The following TANC2 variants were observed in gnomAD, a reference collection of about 807,000 sequenced individuals.
TANC2 encodes protein TANC2.
TANC2 carries 26 observed loss-of-function variants against 210.5 expected under a neutral mutation model. That is an observed-to-expected ratio of 0.12 (90% CI 0.09 to 0.17). The LOEUF (loss-of-function observed/expected upper bound fraction) is 0.17. TANC2 is among the 10% of genes least tolerant of loss of function. The probability of loss-of-function intolerance (pLI) is 1.00; values close to 1 mark genes in which losing one functional copy is unlikely to be tolerated. For synonymous variants in TANC2, 931 were observed against 967.1 expected, an observed-to-expected ratio of 0.96 and a Z score of 0.69; for missense variants, 2,129 against 2,608.9, an observed-to-expected ratio of 0.82 and a Z score of 4.01.
At chr17:63,073,477 T>C (rs970624403) in intron 2 of TANC2, among the ~76,000 whole-genome samples, 1 of 152,184 alleles carries the variant, frequency 6.6e-6, no homozygotes, top group African/African-American at 2.4e-5. Flanking sequence ...TTGATTTATT[T>C]TATAGGTTTA....
intron 17 of TANC2, 34 bp downstream of exon 17, chr17:63,389,578 C>T (rs758343150): frequency 9.0e-6 from 14 of 1,556,250 alleles, no homozygotes; most frequent in African/African-American, 1.4e-5. Flanking sequence ...CTTTTCTTCC[C>T]TTTTTCTTTA....
exon 19 of TANC2, chr17:63,398,898 T>A: frequency 6.3e-7 from 1 of 1,594,394 alleles, no homozygotes; most frequent in Non-Finnish European, 8.5e-7. Flanking sequence ...GCTTTGACAG[T>A]CTCTGGGGAG....
At chr17:63,078,992 C>T (rs1441262446) in intron 3 of TANC2, among the ~76,000 whole-genome samples, 1 of 152,188 alleles carries the variant, frequency 6.6e-6, no homozygotes, top group Non-Finnish European at 1.5e-5. Flanking sequence ...AAATCTCAGG[C>T]TATAACTGTG....
At chr17:63,063,531 CGTGTG>C (rs2036072443) in intron 2 of TANC2, among the ~76,000 whole-genome samples, 1 of 108,148 alleles carries the variant, frequency 9.2e-6, no homozygotes, top group East Asian at 2.3e-4. Context: ...GGGACAAAGA[CGTGTG>C]TGTGTGTGTG....
At chr17:63,069,458 A>G (rs894207230) in intron 2 of TANC2, among the ~76,000 whole-genome samples, 29 of 152,178 alleles carry the variant, frequency 1.9e-4, no homozygotes, top group Non-Finnish European at 2.8e-4. Context: ...GTGCTGTCAC[A>G]TGTGTTAGCT....
In TANC2 at chr17:63,406,151, C is replaced by A; in HGVS notation, c.3466-3C>A. On this transcript the variant is annotated splice_region_variant and splice_polypyrimidine_tract_variant and intron_variant, in intron 20 of 27. Transcript: ENST00000689528. ...ATTGGTCCCTGTTTCTCTGCACTTG[C>A]AGATTGTTGATCTTTTACTCACCCA... 6.2e-7 allele frequency: 1 copy of A among 1,613,696 alleles called. No homozygotes were observed. Among genetic ancestry groups the A allele is most frequent in the Non-Finnish European group, 8.5e-7 (1 of 1,179,706 alleles).
intron 8 of TANC2, among the ~76,000 whole-genome samples, chr17:63,245,366 C>A (rs879919025): frequency 3.3e-5 from 5 of 152,048 alleles, no homozygotes; most frequent in Non-Finnish European, 7.4e-5. Flanking sequence ...AAGCTATACA[C>A]CAAAGATTTA....
Position 63,418,531 on chromosome 17 carries a change from C to A in TANC2, c.4268+124C>A. On this transcript the variant is annotated intron_variant, in intron 27 of 27. Coordinates refer to ENST00000689528, the Ensembl canonical transcript of TANC2. This position sits in a 1 kb window ranked among gnomAD's most constrained non-coding sequence, Gnocchi z 4.6. ...CTCTGTCCTTGAGAACTGTCAGGGCCAAGCTTTGGGGATGGCTCCCATAGC... is the reference window on the plus strand; with the variant it reads ...CTCTGTCCTTGAGAACTGTCAGGGCAAAGCTTTGGGGATGGCTCCCATAGC... 1.2e-6 allele frequency: 1 copy of A among 836,036 alleles called. No homozygotes were observed. The highest frequency in any genetic ancestry group is 1.8e-6 in the Non-Finnish European group (1 of 541,028). The allele number at this position is 836,036 out of a possible 1,614,324, so 51.8% of individuals were successfully genotyped here. A position where few individuals can be genotyped will look rare whatever the true frequency, so the allele number is the denominator to read the frequency against.
intron 4 of TANC2, among the ~76,000 whole-genome samples, chr17:63,139,505 G>A (rs1234981805): frequency 6.6e-6 from 1 of 152,148 alleles, no homozygotes; most frequent in African/African-American, 2.4e-5. Context: ...GCACAGGCCT[G>A]TAGTCCCAGC....
chr17:63,104,540 A>G (rs2037750836), intron 4 of TANC2, among the ~76,000 whole-genome samples: 2 of 152,216 alleles, frequency 1.3e-5, no homozygotes, highest in African/African-American at 4.8e-5. Flanking sequence ...TTGTTTTACA[A>G]ATAAGCTTGA....
At chr17:63,307,879 C>T (rs1598821643) in intron 9 of TANC2, among the ~76,000 whole-genome samples, 1 of 152,292 alleles carries the variant, frequency 6.6e-6, no homozygotes, top group Non-Finnish European at 1.5e-5. Context: ...CATTCTCCTG[C>T]CTCAGCCTCC....
At position 63,359,038 on chromosome 17, in the gene TANC2, C is replaced by T. The variant is rs556582994; in HGVS notation, c.2582+3648C>T. Among the ~76,000 whole-genome samples, 290 of 149,564 alleles carry T rather than the reference C, an allele frequency of 1.9e-3. 1 individual carries two copies. Among genetic ancestry groups the T allele is most frequent in the African/African-American group, 6.9e-3 (278 of 40,036 alleles). On this transcript the variant is annotated intron_variant, in intron 14 of 27. Coordinates refer to ENST00000689528, the Ensembl canonical transcript of TANC2. Reference sequence around the variant, plus strand: ...TTTGCCAGAGATTAAAAGACTACTGCGTTATTATGTGTGTATTTTTGTGGG... The same window carrying T: ...TTTGCCAGAGATTAAAAGACTACTGTGTTATTATGTGTGTATTTTTGTGGG...
At chr17:63,056,112 T>C (rs1598327378) in intron 2 of TANC2, among the ~76,000 whole-genome samples, 1 of 138,572 alleles carries the variant, frequency 7.2e-6, no homozygotes, top group Non-Finnish European at 1.6e-5. Flanking sequence ...GAGGTCGAGG[T>C]TATAGTAAGC....
intron 9 of TANC2, among the ~76,000 whole-genome samples, chr17:63,287,782 C>T (rs1479053381): frequency 6.6e-6 from 1 of 151,732 alleles, no homozygotes; most frequent in Non-Finnish European, 1.5e-5. Flanking sequence ...CTCAGCAATT[C>T]TCCTGCCTCA....
At chr17:63,011,077 CT>C in intron 2 of TANC2, among the ~76,000 whole-genome samples, 1 of 152,302 alleles carries the variant, frequency 6.6e-6, no homozygotes, top group African/African-American at 2.4e-5. Flanking sequence ...CAGCCAGCCC[CT>C]GTCCTGAGGC....
Position 63,421,832 on chromosome 17 carries a change from T to C in TANC2, c.6102T>C (p.Ala2034=), listed in dbSNP as rs775049430. ...CCTCCTATCCCGACGTGAAGGTAGCTCGGACTCTACCTGTGGCTCAGGCAT... is the reference window on the plus strand; with the variant it reads ...CCTCCTATCCCGACGTGAAGGTAGCCCGGACTCTACCTGTGGCTCAGGCAT... Residue 2034 remains alanine, a synonymous_variant, in exon 28 of 28, where the codon GCT becomes GCC. Coordinates refer to ENST00000689528, the Ensembl canonical transcript of TANC2. The surrounding 1 kb of genome is among the most constrained non-coding windows in gnomAD (Gnocchi z 6.9). 1.7e-5 allele frequency: 28 copies of C among 1,613,918 alleles called. No homozygotes were observed. Among genetic ancestry groups the C allele is most frequent in the Non-Finnish European group, 2.3e-5 (27 of 1,179,920 alleles).
rs1334165269 is a variant in TANC2 at position 63,005,744 on chromosome 17, GT to G, written c.-23-3789del. Reference sequence around the variant, plus strand: ...TCTCTTTTCTTATAATATCTGTAAGGTTTTGGGATTAATATCATGCAATACT... The same window carrying G: ...TCTCTTTTCTTATAATATCTGTAAGGTTTGGGATTAATATCATGCAATACT... On this transcript the variant is annotated intron_variant, in intron 1 of 27. Transcript: ENST00000689528. Among the ~76,000 whole-genome samples the G allele has an allele frequency of 2.6e-5, 4 of 151,978 alleles. No homozygotes were observed. In the East Asian group the frequency reaches 7.7e-4, roughly 29 times the overall value.
At chr17:63,200,549 A>G (rs1358137759) in intron 6 of TANC2, among the ~76,000 whole-genome samples, 1 of 152,162 alleles carries the variant, frequency 6.6e-6, no homozygotes, top group African/African-American at 2.4e-5. Flanking sequence ...TTTTGTAGGC[A>G]GAAAAACTGG....
At chr17:63,011,798 A>G (rs940855438) in intron 2 of TANC2, among the ~76,000 whole-genome samples, 1 of 151,872 alleles carries the variant, frequency 6.6e-6, no homozygotes, top group Non-Finnish European at 1.5e-5. Flanking sequence ...TTTTGCTTTC[A>G]ACATTTCTGT....
Sources: gnomAD v4.1 joint callset for allele counts (sites outside exome capture counted in the v4.1 genomes callset) on GRCh38, gnomAD v4.1.1 for gene constraint, Gnocchi (gnomAD v3.1) non-coding constraint, MANE v1.5 for transcripts, NCBI Gene and HGNC (gene_info 2026-07-23, HGNC 2026-07-21) for gene names.